The following IQCK variants were observed in gnomAD, a reference collection of about 807,000 sequenced individuals.
The protein encoded by IQCK is IQ domain-containing protein K.
IQCK carries 29 observed loss-of-function variants against 28.1 expected under a neutral mutation model. The observed-to-expected ratio is 1.03, with a 90% CI of 0.77 to 1.41. The LOEUF is 1.41. Ranked by LOEUF, IQCK falls within the 40% of genes most tolerant of loss-of-function variation. IQCK has a pLI of 0.00. For missense variants in IQCK, 359 were observed against 314.7 expected (o/e 1.14, Z -1.07); for synonymous variants, 113 against 115.1 (o/e 0.98, Z 0.12).
chr16:19,755,713 T>C (rs1264448096), intron 4 of IQCK, among the ~76,000 whole-genome samples: 2 of 152,224 alleles, frequency 1.3e-5, no homozygotes, highest in Admixed American at 6.5e-5. Flanking sequence ...GCCAGAGAGA[T>C]TCTCATTTTC....
intron 6 of IQCK, among the ~76,000 whole-genome samples, chr16:19,785,135 C>G (rs1483535799): frequency 2.0e-5 from 3 of 152,174 alleles, no homozygotes; most frequent in Admixed American, 6.5e-5. Flanking sequence ...AGGTGTCAGG[C>G]CTTGCACCAG....
At chr16:19,853,133 C>T (rs2056508072) in intron 9 of IQCK, among the ~76,000 whole-genome samples, 1 of 152,118 alleles carries the variant, frequency 6.6e-6, no homozygotes, top group Non-Finnish European at 1.5e-5. Context: ...GGAGTGGAAT[C>T]ATTTGTATTC....
At chr16:19,811,192 G>T (rs1380301475) in intron 7 of IQCK, among the ~76,000 whole-genome samples, 1 of 151,656 alleles carries the variant, frequency 6.6e-6, no homozygotes, top group Non-Finnish European at 1.5e-5. Flanking sequence ...AATGGCTTGA[G>T]CCCAGGAGGT....
intron 4 of IQCK, among the ~76,000 whole-genome samples, chr16:19,739,566 G>C (rs377628231): frequency 1.3e-5 from 2 of 152,226 alleles, no homozygotes; most frequent in African/African-American, 4.8e-5. Flanking sequence ...TATAATCCCA[G>C]CACCTTGGGA....
chr16:19,809,006 C>T (rs1440822445), intron 7 of IQCK, among the ~76,000 whole-genome samples: 5 of 152,152 alleles, frequency 3.3e-5, no homozygotes, highest in African/African-American at 7.2e-5. Context: ...TACAGGCATG[C>T]GCCACCACGG....
chr16:19,778,791 A>G (rs928998106), intron 6 of IQCK, among the ~76,000 whole-genome samples: 1 of 152,220 alleles, frequency 6.6e-6, no homozygotes, highest in African/African-American at 2.4e-5. Flanking sequence ...GTAGAGAAAC[A>G]AAGGTTTTTC....
intron 6 of IQCK, among the ~76,000 whole-genome samples, chr16:19,782,392 AAAAAG>A (rs1399693847): frequency 1.3e-5 from 2 of 152,052 alleles, no homozygotes; most frequent in Non-Finnish European, 2.9e-5. Flanking sequence ...TCTCAAAAAG[AAAAAG>A]AAAAGAAAAG....
intron 9 of IQCK, among the ~76,000 whole-genome samples, chr16:19,836,521 G>T (rs1418684515): frequency 6.6e-6 from 1 of 152,192 alleles, no homozygotes; most frequent in Non-Finnish European, 1.5e-5. Flanking sequence ...TCAAGATCCT[G>T]TATTGAAGTT....
intron 6 of IQCK, among the ~76,000 whole-genome samples, chr16:19,783,713 G>C (rs2055525046): frequency 6.6e-6 from 1 of 152,152 alleles, no homozygotes; most frequent in Non-Finnish European, 1.5e-5. Context: ...ATTTACCATG[G>C]CTTTCTCATA....
intron 4 of IQCK, among the ~76,000 whole-genome samples, chr16:19,745,743 C>G (rs2054901591): frequency 6.6e-6 from 1 of 152,148 alleles, no homozygotes; most frequent in Admixed American, 6.5e-5. Context: ...TTCTGGTGCT[C>G]TCTCCTGGGG....
At chr16:19,845,259 G>A (rs1459184637) in intron 9 of IQCK, among the ~76,000 whole-genome samples, 1 of 152,166 alleles carries the variant, frequency 6.6e-6, no homozygotes, top group Non-Finnish European at 1.5e-5. Context: ...CCTTGTAGAG[G>A]AGCTGTTTAA....
At chr16:19,738,530 C>A in intron 4 of IQCK, among the ~76,000 whole-genome samples, 1 of 152,166 alleles carries the variant, frequency 6.6e-6, no homozygotes. Flanking sequence ...ACCTCCATCC[C>A]AGCTGGCAGC....
At chr16:19,735,071 A>G (rs1161338215) in intron 3 of IQCK, among the ~76,000 whole-genome samples, 1 of 152,072 alleles carries the variant, frequency 6.6e-6, no homozygotes. Context: ...CTCCGGCCAC[A>G]CTGGGCCCCT....
At chr16:19,720,620 G>A (rs760592513) in intron 1 of IQCK, among the ~76,000 whole-genome samples, 5 of 152,302 alleles carry the variant, frequency 3.3e-5, no homozygotes, top group Non-Finnish European at 2.9e-5. Context: ...TTTACACACC[G>A]AGTTTATTTT....
At chr16:19,760,656 C>G (rs1053870440) in intron 4 of IQCK, among the ~76,000 whole-genome samples, 1 of 152,064 alleles carries the variant, frequency 6.6e-6, no homozygotes, top group East Asian at 1.9e-4. Context: ...GCTGGTCTCT[C>G]GTTAGCTGGA....
intron 9 of IQCK, among the ~76,000 whole-genome samples, chr16:19,852,359 C>T (rs573047751): frequency 6.6e-6 from 1 of 152,234 alleles, no homozygotes; most frequent in South Asian, 2.1e-4. Flanking sequence ...TATGATCGCA[C>T]CACTGCACTC....
chr16:19,749,263 G>A (rs2054953695), intron 4 of IQCK, among the ~76,000 whole-genome samples: 1 of 152,158 alleles, frequency 6.6e-6, no homozygotes, highest in Admixed American at 6.5e-5. Flanking sequence ...GATACCATAG[G>A]AAAGATCATC....
chr16:19,822,412 C>T (rs930470412), intron 7 of IQCK, among the ~76,000 whole-genome samples: 3 of 130,314 alleles, frequency 2.3e-5, no homozygotes, highest in Non-Finnish European at 4.9e-5. Flanking sequence ...AAAAGCAAAA[C>T]AAATGTCCCA....
At chr16:19,730,387 T>A (rs200270300) in intron 1 of IQCK, 43 bp from the exon 2 acceptor site, 1 of 1,421,034 alleles carries the variant, frequency 7.0e-7, no homozygotes, top group Middle Eastern at 1.9e-4. Context: ...CCAGAAACTC[T>A]AGTGAAGTAT....
Sources: allele counts gnomAD v4.1 joint callset (sites outside exome capture counted in the v4.1 genomes callset), GRCh38; gene constraint gnomAD v4.1.1; transcripts MANE v1.5; gene names NCBI Gene and HGNC (gene_info 2026-07-23, HGNC 2026-07-21).